The following SCML4 variants were observed in gnomAD, a reference collection of about 807,000 sequenced individuals.
SCML4 encodes the protein sex comb on midleg-like protein 4.
SCML4 carries 34 observed loss-of-function variants against 41.1 expected under a neutral mutation model. That is an observed-to-expected ratio of 0.83 (90% CI 0.63 to 1.10). The LOEUF (loss-of-function observed/expected upper bound fraction) is 1.10. SCML4 is among the 50% of genes least tolerant of loss of function. The pLI, the probability that SCML4 is intolerant of heterozygous loss-of-function variation, is 0.00. For missense variants in SCML4, 522 were observed against 534.1 expected (o/e 0.98, Z 0.22); for synonymous variants, 214 against 220.9 (o/e 0.97, Z 0.28).
intron 1 of SCML4, among the ~76,000 whole-genome samples, chr6:107,822,102 G>T (rs1289455069): frequency 6.6e-6 from 1 of 152,076 alleles, no homozygotes; most frequent in Non-Finnish European, 1.5e-5. Flanking sequence ...CAGCAGAGAT[G>T]ATTTTCTCAT....
At chr6:107,843,830 G>C in the SCML4 span, among the ~76,000 whole-genome samples, 1 of 152,170 alleles carries the variant, frequency 6.6e-6, no homozygotes. Flanking sequence ...CAGAATTAGG[G>C]AGACCCTAAT....
intron 6 of SCML4, among the ~76,000 whole-genome samples, chr6:107,716,551 CT>C (rs1774819119): frequency 6.6e-6 from 1 of 152,058 alleles, no homozygotes; most frequent in Non-Finnish European, 1.5e-5. Flanking sequence ...TTTGCCAGGG[CT>C]GTGGGGGGTT....
chr6:107,810,405 T>C (rs756854719), intron 1 of SCML4, among the ~76,000 whole-genome samples: 14 of 152,078 alleles, frequency 9.2e-5, no homozygotes, highest in Non-Finnish European at 1.9e-4. Context: ...CTTTGTGAAG[T>C]TGCACCACTG....
At chr6:107,828,063 A>G (rs1156792608), upstream of SCML4, among the ~76,000 whole-genome samples, 2 of 152,218 alleles carry the variant, frequency 1.3e-5, no homozygotes, top group Non-Finnish European at 2.9e-5. Flanking sequence ...ATTTATGACA[A>G]TCCTATGAAG....
intron 7 of SCML4, among the ~76,000 whole-genome samples, chr6:107,706,459 AT>A (rs1773640008): frequency 1.3e-5 from 2 of 152,362 alleles, no homozygotes; most frequent in African/African-American, 2.4e-5. Flanking sequence ...ATTGGAGAGC[AT>A]GATTTCTATG....
At position 107,746,752 on chromosome 6, in the gene SCML4, C is replaced by A; in HGVS notation, c.424G>T (p.Ala142Ser). 6.2e-7 allele frequency: 1 copy of A among 1,614,138 alleles called. No individual in the cohort carries two copies. The highest frequency in any genetic ancestry group is 8.5e-7 in the Non-Finnish European group (1 of 1,180,016). Residue 142 changes from alanine (A) to serine (S), a missense_variant, in exon 4 of 8, where the codon GCC (alanine) becomes TCC (serine). Physicochemically the swap from Ala to Ser is moderately conservative, Grantham distance 99. Coordinates refer to ENST00000369020, the MANE Select transcript of SCML4 (RefSeq NM_198081.5). ...QQAVQACIDC[A>S]HQQKLVFSLV... Reference sequence around the variant, plus strand: ...GAGAAGACCAGCTTCTGCTGGTGGGCGCAGTCGATGCAGGCTTGGACGGCC... The same window carrying A: ...GAGAAGACCAGCTTCTGCTGGTGGGAGCAGTCGATGCAGGCTTGGACGGCC...
At chr6:107,822,266 G>T (rs1263329269) in intron 1 of SCML4, among the ~76,000 whole-genome samples, 1 of 152,046 alleles carries the variant, frequency 6.6e-6, no homozygotes, top group Non-Finnish European at 1.5e-5. Flanking sequence ...ACAGTATTTG[G>T]GTCTGGCTTG....
intron 1 of SCML4, among the ~76,000 whole-genome samples, chr6:107,784,504 G>A (rs1315381328): frequency 6.6e-6 from 1 of 152,210 alleles, no homozygotes; most frequent in African/African-American, 2.4e-5. Context: ...GCTTATGGAT[G>A]CATAAGATAC....
intron 1 of SCML4, among the ~76,000 whole-genome samples, chr6:107,800,374 G>T (rs573132888): frequency 6.6e-6 from 1 of 152,164 alleles, no homozygotes; most frequent in South Asian, 2.1e-4. Context: ...AGTTGAACTA[G>T]TGCTGAGCTG....
At chr6:107,775,609 A>G (rs1780878323) in intron 1 of SCML4, among the ~76,000 whole-genome samples, 2 of 152,244 alleles carry the variant, frequency 1.3e-5, no homozygotes, top group Admixed American at 1.3e-4. Context: ...AAATTTTGCT[A>G]ATGTCCTTAA....
intron 1 of SCML4, among the ~76,000 whole-genome samples, chr6:107,806,793 C>T (rs1231821514): frequency 6.6e-6 from 1 of 152,224 alleles, no homozygotes; most frequent in Admixed American, 6.5e-5. Context: ...ATGGCCATTC[C>T]CAAAGCTGCA....
intron 5 of SCML4, among the ~76,000 whole-genome samples, chr6:107,737,978 C>G (rs1478342349): frequency 6.6e-6 from 1 of 152,090 alleles, no homozygotes; most frequent in Admixed American, 6.6e-5. Flanking sequence ...TTTACTGAAC[C>G]AAAATCTGAA....
the SCML4 span, among the ~76,000 whole-genome samples, chr6:107,838,446 G>A: frequency 8.8e-3 from 1,340 of 152,302 alleles, 18 homozygotes; most frequent in African/African-American, 0.03. Flanking sequence ...ATTGACAGGC[G>A]CGTTGTCAGG....
At chr6:107,763,880 C>G (rs1779824295) in intron 2 of SCML4, among the ~76,000 whole-genome samples, 1 of 152,192 alleles carries the variant, frequency 6.6e-6, no homozygotes, top group African/African-American at 2.4e-5. Context: ...GCCACCCAGG[C>G]TATGGTATTT....
intron 1 of SCML4, among the ~76,000 whole-genome samples, chr6:107,780,707 C>CAAT (rs948379050): frequency 8.8e-5 from 13 of 148,018 alleles, no homozygotes; most frequent in South Asian, 4.3e-4. Flanking sequence ...GCCCAGTCTC[C>CAAT]AATAATAATA....
At position 107,704,946 on chromosome 6, in the gene SCML4, C is replaced by T; in HGVS notation, c.*254G>A. 1 of 544,164 alleles carries T rather than the reference C, an allele frequency of 1.8e-6. No homozygotes were observed. The highest frequency in any genetic ancestry group is 2.1e-5 in the South Asian group (1 of 48,060). 33.7% of individuals were successfully genotyped at this position (544,164 alleles called of 1,614,324 possible). ...TAGGACCCACTTTAAGAGAAACCAGCATAACAGGGATGTTAAAAATCACAG... is the reference window on the plus strand; with the variant it reads ...TAGGACCCACTTTAAGAGAAACCAGTATAACAGGGATGTTAAAAATCACAG... On this transcript the variant is annotated 3_prime_UTR_variant, in exon 8 of 8. Transcript: ENST00000369020.
Position 107,795,817 on chromosome 6 carries a change from G to A in SCML4, c.-59-23431C>T, listed in dbSNP as rs769053762. ...GCTGGGATTACAGGCTGGAGCCACC[G>A]CGCCCAGCCAGAAAGGTTCTTTATG... On this transcript the variant is annotated intron_variant, in intron 1 of 7. Transcript: ENST00000369020. Among the ~76,000 whole-genome samples, 30 of 152,160 alleles carry A rather than the reference G, an allele frequency of 2.0e-4. 1 individual carries two copies. Among genetic ancestry groups the A allele is most frequent in the South Asian group, 4.1e-4 (2 of 4,832 alleles).
At chr6:107,820,792 C>T (rs1188678454) in intron 1 of SCML4, among the ~76,000 whole-genome samples, 1 of 152,128 alleles carries the variant, frequency 6.6e-6, no homozygotes, top group Non-Finnish European at 1.5e-5. Context: ...AGATTTACAG[C>T]AGACTGGAGC....
chr6:107,750,651 G>A (rs1414730326), intron 2 of SCML4, among the ~76,000 whole-genome samples: 2 of 152,226 alleles, frequency 1.3e-5, no homozygotes, highest in African/African-American at 4.8e-5. Flanking sequence ...CACATCCGGA[G>A]TTTTTAAAGA....
Sources: allele counts gnomAD v4.1 joint callset (sites outside exome capture counted in the v4.1 genomes callset), GRCh38; gene constraint gnomAD v4.1.1; transcripts MANE v1.5; gene names NCBI Gene and HGNC (gene_info 2026-07-23, HGNC 2026-07-21).